Variants in DLGAP2 observed in about 807,000 individuals in gnomAD.
DLGAP2 encodes the protein DLG associated protein 2.
Under a neutral mutation model 100.3 loss-of-function variants are expected in DLGAP2, and 26 were observed. That is an observed-to-expected ratio of 0.26 (90% CI 0.19 to 0.36). The LOEUF (loss-of-function observed/expected upper bound fraction) is 0.36, where lower values mean the gene tolerates loss of function less well. Among genes scored for constraint, DLGAP2 ranks in the 10% least tolerant of loss-of-function variants. The pLI, the probability that DLGAP2 is intolerant of heterozygous loss-of-function variation, is 1.00. For synonymous variants in DLGAP2, 886 were observed against 630.1 expected (o/e 1.41, Z -6.08); for missense variants, 1,858 against 1,453.2 (o/e 1.28, Z -4.53).
intron 3 of DLGAP2, among the ~76,000 whole-genome samples, chr8:1,386,041 A>G (rs1311466538): frequency 6.6e-6 from 1 of 152,270 alleles, no homozygotes; most frequent in African/African-American, 2.4e-5. Context: ...TTACAAAAAT[A>G]TGGTTTAATC....
chr8:1,247,117 G>A (rs1376337232), intron 2 of DLGAP2: 1 of 192,308 alleles, frequency 5.2e-6, no homozygotes, highest in Non-Finnish European at 1.0e-5. Flanking sequence ...TGAGATCAGA[G>A]TGGGAGTGAT....
At chr8:761,631 C>G (rs1332601929) in intron 1 of DLGAP2, among the ~76,000 whole-genome samples, 1 of 152,220 alleles carries the variant, frequency 6.6e-6, no homozygotes, top group Admixed American at 6.5e-5. Flanking sequence ...CATCTTCTTT[C>G]ATGTTTGAAA....
At chr8:880,223 C>G (rs191418288) in intron 1 of DLGAP2, among the ~76,000 whole-genome samples, 1 of 152,318 alleles carries the variant, frequency 6.6e-6, no homozygotes, top group African/African-American at 2.4e-5. Flanking sequence ...TTCCTCCGTC[C>G]CTCTTTTTGA....
chr8:870,126 C>T (rs1038643915), intron 1 of DLGAP2, among the ~76,000 whole-genome samples: 4 of 152,070 alleles, frequency 2.6e-5, no homozygotes, highest in Non-Finnish European at 5.9e-5. Context: ...GATTTTCTCT[C>T]TGGCTTCTGT....
intron 12 of DLGAP2, among the ~76,000 whole-genome samples, chr8:1,690,292 G>T (rs1372399347): frequency 6.6e-6 from 1 of 151,696 alleles, no homozygotes; most frequent in Non-Finnish European, 1.5e-5. Flanking sequence ...GGAGGTGGAG[G>T]CTGCAGTGAG....
At chr8:1,043,408 G>C (rs1282498579) in intron 2 of DLGAP2, among the ~76,000 whole-genome samples, 1 of 151,776 alleles carries the variant, frequency 6.6e-6, no homozygotes, top group Non-Finnish European at 1.5e-5. Context: ...GGTGGATATA[G>C]GTGGTGGATG....
chr8:887,192 C>T (rs1045739399), intron 1 of DLGAP2, among the ~76,000 whole-genome samples: 2 of 151,976 alleles, frequency 1.3e-5, no homozygotes, highest in African/African-American at 4.8e-5. Flanking sequence ...GATTGCAACC[C>T]CTGCTTTTTT....
At position 1,273,949 on chromosome 8, in the gene DLGAP2, C is replaced by T. The variant is rs368826885; in HGVS notation, c.106+15066C>T. 2.0e-5 allele frequency among the ~76,000 whole-genome samples: 3 copies of T among 152,294 alleles called. No individual in the cohort carries two copies. The East Asian group carries it at 5.8e-4, about 29-fold the overall frequency. On this transcript the variant is annotated intron_variant, in intron 3 of 14. Coordinates refer to ENST00000637795, the MANE Select transcript of DLGAP2 (RefSeq NM_001346810.2). Reference sequence around the variant, plus strand: ...ACAATAAGGTGTGTGCTCACTAATGCTCTTTCTGATTTTGAAATCAGTTCC... The same window carrying T: ...ACAATAAGGTGTGTGCTCACTAATGTTCTTTCTGATTTTGAAATCAGTTCC...
chr8:1,187,117 G>C (rs1443075158), intron 2 of DLGAP2, among the ~76,000 whole-genome samples: 1 of 152,162 alleles, frequency 6.6e-6, no homozygotes, highest in Non-Finnish European at 1.5e-5. Context: ...ATGATTGTCA[G>C]TTGCCAAAAT....
intron 1 of DLGAP2, among the ~76,000 whole-genome samples, chr8:851,898 C>G (rs1168897736): frequency 6.6e-6 from 1 of 152,142 alleles, no homozygotes; most frequent in Non-Finnish European, 1.5e-5. Flanking sequence ...TCACTAATAC[C>G]TGGAGCTGTC....
At chr8:1,654,275 C>G (rs1010380726) in intron 8 of DLGAP2, among the ~76,000 whole-genome samples, 1 of 152,204 alleles carries the variant, frequency 6.6e-6, no homozygotes, top group African/African-American at 2.4e-5. Context: ...ACAGGCCCAC[C>G]AGCATCCTCC....
At chr8:1,227,153 G>GATAGAT (rs796173465) in intron 2 of DLGAP2, among the ~76,000 whole-genome samples, 7 of 89,704 alleles carry the variant, frequency 7.8e-5, no homozygotes, top group East Asian at 4.4e-4. Flanking sequence ...GAAACTGTGA[G>GATAGAT]ATATATATAT....
chr8:1,316,304 C>T (rs1348762790), intron 3 of DLGAP2, among the ~76,000 whole-genome samples: 9 of 135,812 alleles, frequency 6.6e-5, no homozygotes, highest in East Asian at 4.3e-4. Flanking sequence ...CAGTGGTCTA[C>T]ACTCGAGAAA....
chr8:776,755 G>A (rs988658470), intron 1 of DLGAP2, among the ~76,000 whole-genome samples: 1 of 152,186 alleles, frequency 6.6e-6, no homozygotes, highest in African/African-American at 2.4e-5. Flanking sequence ...GTGCTGAGGA[G>A]AGCTTTACTT....
rs948734365 is a variant in DLGAP2, at chr8:836,747, C to T, written c.19-71165C>T. Among the ~76,000 whole-genome samples, 2 of 152,162 alleles carry T rather than the reference C, an allele frequency of 1.3e-5. 1 individual carries two copies. Among genetic ancestry groups the T allele is most frequent in the Non-Finnish European group, 2.9e-5 (2 of 68,024 alleles). ...GGCCGCGTTGCTAAGGAGACGAGGGCGTTTCATGTGAACACCACGTTAACA... is the reference window on the plus strand; with the variant it reads ...GGCCGCGTTGCTAAGGAGACGAGGGTGTTTCATGTGAACACCACGTTAACA... On this transcript the variant is annotated intron_variant, in intron 1 of 14. Transcript: ENST00000637795.
At chr8:1,629,972 C>T (rs1435395390) in intron 7 of DLGAP2, among the ~76,000 whole-genome samples, 1 of 152,268 alleles carries the variant, frequency 6.6e-6, no homozygotes, top group Non-Finnish European at 1.5e-5. Flanking sequence ...ATAACATTTT[C>T]TCACATCTTT....
chr8:1,214,731 T>C (rs574199375), intron 2 of DLGAP2, among the ~76,000 whole-genome samples: 3 of 152,380 alleles, frequency 2.0e-5, no homozygotes, highest in African/African-American at 7.2e-5. Context: ...ACACAGCAGG[T>C]GTGCCTTAAG....
intron 6 of DLGAP2, among the ~76,000 whole-genome samples, chr8:1,617,054 G>A (rs1466027256): frequency 6.6e-6 from 1 of 152,144 alleles, no homozygotes; most frequent in Non-Finnish European, 1.5e-5. Flanking sequence ...TTGCTGCAAA[G>A]GACATGATCT....
chr8:869,458 G>A (rs1029901983), intron 1 of DLGAP2, among the ~76,000 whole-genome samples: 1 of 152,102 alleles, frequency 6.6e-6, no homozygotes, highest in Non-Finnish European at 1.5e-5. Flanking sequence ...ACGTTTGTAC[G>A]CTGAGGGCTC....
Sources: gnomAD v4.1 joint callset for allele counts (sites outside exome capture counted in the v4.1 genomes callset) on GRCh38, gnomAD v4.1.1 for gene constraint, MANE v1.5 for transcripts, NCBI Gene and HGNC (gene_info 2026-07-23, HGNC 2026-07-21) for gene names.